GHR: variants seen among roughly 807,000 people sequenced by gnomAD.
GHR encodes GH receptor.
A neutral mutation model predicts 67.1 loss-of-function variants in GHR; 35 were observed. That is an observed-to-expected ratio of 0.52 (90% confidence interval 0.40 to 0.69). GHR has a LOEUF of 0.69. GHR is among the 30% of genes least tolerant of loss of function. GHR has a pLI of 0.00. For synonymous variants in GHR, 272 were observed against 269.1 expected (o/e 1.01, Z -0.10); for missense variants, 792 against 764.6 (o/e 1.04, Z -0.42).
rs1353776498 is a variant in GHR at position 42,582,646 on chromosome 5, C to T, written c.70+16702C>T. Among the ~76,000 whole-genome samples, 3 of 152,212 alleles carry T rather than the reference C, an allele frequency of 2.0e-5. No homozygotes were observed. In the East Asian group the frequency reaches 5.8e-4, roughly 29 times the overall value. ...AGGGCTGAGACATGCCTTCCCTGCC[C>T]ACCACATTGTAGGTGACAAGAACAG... On this transcript the variant is annotated intron_variant, in intron 2 of 9. Transcript: ENST00000230882.
At chr5:42,579,186 A>AGATAGAT (rs1751022001) in intron 2 of GHR, among the ~76,000 whole-genome samples, 2 of 151,564 alleles carry the variant, frequency 1.3e-5, no homozygotes, top group African/African-American at 4.9e-5. Context: ...ATAGATAGAT[A>AGATAGAT]GATAGATAGA....
chr5:42,656,014 T>C (rs1755236593), intron 3 of GHR, among the ~76,000 whole-genome samples: 3 of 152,200 alleles, frequency 2.0e-5, no homozygotes, highest in Admixed American at 2.0e-4. Context: ...ACTCACTTAT[T>C]TGTTATACAA....
chr5:42,721,573 G>T lies in GHR; in HGVS notation c.*2149G>T, dbSNP rs918640910. 1.3e-5 allele frequency: 2 copies of T among 152,618 alleles called. No homozygotes were observed. The highest frequency in any genetic ancestry group is 4.8e-5 in the African/African-American group (2 of 41,448). The allele number at this position is 152,618 out of a possible 1,614,324, so 9.5% of individuals were successfully genotyped here. On this transcript the variant is annotated 3_prime_UTR_variant, in exon 10 of 10. Transcript: ENST00000230882. ...TTTAGTTTCATATAAAGTATCATCA[G>T]TGTAGAACCTAATTCAATTCAAAGC... is the stretch of plus-strand genomic sequence containing the variant.
At position 42,688,855 on chromosome 5, in the gene GHR, G is replaced by C. The variant is rs149475648; in HGVS notation, c.137-35G>C. 5.9e-3 allele frequency: 9,513 copies of C among 1,607,914 alleles called. 40 individuals carry two copies. Among genetic ancestry groups the C allele is most frequent in the Non-Finnish European group, 7.3e-3 (8,611 of 1,174,450 alleles). ...CATTAGGATCACATATGACTCACCT[G>C]ATTTCATGCCTTGCCTTTTCTTTTT... On this transcript the variant is annotated intron_variant, in intron 3 of 9. Coordinates refer to ENST00000230882, the MANE Select transcript of GHR (RefSeq NM_000163.5).
At chr5:42,467,527 G>T in intron 1 of GHR, 2 of 1,270,424 alleles carry the variant, frequency 1.6e-6, no homozygotes, top group Non-Finnish European at 2.3e-6. Flanking sequence ...ATAACTAAAG[G>T]CTTTCTCACA....
At chr5:42,474,048 A>T (rs1242271066) in intron 1 of GHR, among the ~76,000 whole-genome samples, 1 of 149,952 alleles carries the variant, frequency 6.7e-6, no homozygotes, top group Non-Finnish European at 1.5e-5. Flanking sequence ...AATTAACAGG[A>T]TGTGGTGGTG....
intron 2 of GHR, among the ~76,000 whole-genome samples, chr5:42,627,217 T>C (rs1753746051): frequency 6.6e-6 from 1 of 152,198 alleles, no homozygotes. Flanking sequence ...CTGAACTTTT[T>C]TTCATACTGT....
At chr5:42,466,952 A>G in intron 1 of GHR, 3 of 1,543,736 alleles carry the variant, frequency 1.9e-6, no homozygotes, top group South Asian at 2.5e-5. Context: ...GCTGCACCAC[A>G]CTTCTTATAT....
chr5:42,705,623 T>G (rs1048932285), intron 6 of GHR, among the ~76,000 whole-genome samples: 1 of 152,234 alleles, frequency 6.6e-6, no homozygotes, highest in Middle Eastern at 3.4e-3. Flanking sequence ...TTCTCAATGT[T>G]TAGCTCCTAC....
At chr5:42,663,949 T>C (rs1275004924) in intron 3 of GHR, among the ~76,000 whole-genome samples, 4 of 151,990 alleles carry the variant, frequency 2.6e-5, no homozygotes, top group Non-Finnish European at 2.9e-5. Flanking sequence ...TATACACCAA[T>C]AACAGACAAA....
chr5:42,449,478 AT>A (rs1743956861), intron 1 of GHR, among the ~76,000 whole-genome samples: 1 of 152,162 alleles, frequency 6.6e-6, no homozygotes, highest in Non-Finnish European at 1.5e-5. Flanking sequence ...ATTTGTGTAC[AT>A]TGATTTTTGA....
At chr5:42,636,870 A>G (rs1056813229) in intron 3 of GHR, among the ~76,000 whole-genome samples, 27 of 152,326 alleles carry the variant, frequency 1.8e-4, no homozygotes, top group African/African-American at 6.3e-4. Flanking sequence ...ATAAGGTAAT[A>G]TATATTTAAG....
In GHR at chr5:42,720,710, A is replaced by T. The variant is rs892994971; in HGVS notation, c.*1286A>T. On this transcript the variant is annotated 3_prime_UTR_variant, in exon 10 of 10. Transcript: ENST00000230882. The stretch of plus-strand genomic sequence containing the variant: ...ACAAGGTTTTCAGTCCCCACAGATA[A>T]CTGAAAATTATTTAAACCGCTAAAA... 1.4e-4 allele frequency: 21 copies of T among 152,166 alleles called. No homozygotes were observed. Among genetic ancestry groups the T allele is most frequent in the African/African-American group, 5.1e-4 (21 of 41,442 alleles). 9.4% of individuals were successfully genotyped at this position (152,166 alleles called of 1,614,324 possible).
At chr5:42,696,708 G>T (rs1333514253) in intron 5 of GHR, among the ~76,000 whole-genome samples, 6 of 152,134 alleles carry the variant, frequency 3.9e-5, no homozygotes, top group Admixed American at 6.6e-5. Flanking sequence ...CTGTCACGAG[G>T]TACCTTTGAG....
intron 2 of GHR, among the ~76,000 whole-genome samples, chr5:42,601,996 T>C (rs1168386936): frequency 6.6e-6 from 1 of 152,140 alleles, no homozygotes; most frequent in Non-Finnish European, 1.5e-5. Flanking sequence ...TATTAACAGT[T>C]AACCAATTTC....
At chr5:42,570,716 T>C (rs1346705049) in intron 2 of GHR, among the ~76,000 whole-genome samples, 1 of 152,168 alleles carries the variant, frequency 6.6e-6, no homozygotes, top group Non-Finnish European at 1.5e-5. Flanking sequence ...TATTCCTGCT[T>C]TTAAGGAGCT....
At chr5:42,603,665 T>G (rs1405342195) in intron 2 of GHR, among the ~76,000 whole-genome samples, 4 of 152,176 alleles carry the variant, frequency 2.6e-5, no homozygotes, top group Non-Finnish European at 5.9e-5. Context: ...AAACAAACTG[T>G]TTTTCCTCTG....
At chr5:42,454,737 T>A (rs568402797) in intron 1 of GHR, among the ~76,000 whole-genome samples, 1 of 152,164 alleles carries the variant, frequency 6.6e-6, no homozygotes, top group South Asian at 2.1e-4. Context: ...CAAGTTTAGA[T>A]CCACGCCTCC....
At position 42,689,034 on chromosome 5, in the gene GHR, C is replaced by A; in HGVS notation, c.266+15C>A. 1 of 1,611,368 alleles carries A rather than the reference C, an allele frequency of 6.2e-7. No individual in the cohort carries two copies. The highest frequency in any genetic ancestry group is 8.5e-7 in the Non-Finnish European group (1 of 1,177,500). On this transcript the variant is annotated intron_variant, in intron 4 of 9. Coordinates refer to ENST00000230882, the MANE Select transcript of GHR (RefSeq NM_000163.5). ...TATACCAGAAGGTGCCACCATCATGCCTTTCTGATTTTCCTCTCCATGGAT... is the reference window on the plus strand; with the variant it reads ...TATACCAGAAGGTGCCACCATCATGACTTTCTGATTTTCCTCTCCATGGAT...
Sources: gnomAD v4.1 joint callset for allele counts (sites outside exome capture counted in the v4.1 genomes callset) on GRCh38, gnomAD v4.1.1 for gene constraint, MANE v1.5 for transcripts, NCBI Gene and HGNC (gene_info 2026-07-23, HGNC 2026-07-21) for gene names.